Variants in OSBPL9 observed in about 807,000 individuals in gnomAD.
OSBPL9 encodes oxysterol binding protein like 9.
A neutral mutation model predicts 106.6 loss-of-function variants in OSBPL9; 40 were observed. That is an observed-to-expected ratio of 0.38 (90% CI 0.29 to 0.49). OSBPL9 has a LOEUF of 0.49. Among genes scored for constraint, OSBPL9 ranks in the 20% least tolerant of loss-of-function variants. The probability of loss-of-function intolerance (pLI) is 0.97; values close to 1 mark genes in which losing one functional copy is unlikely to be tolerated. For missense variants in OSBPL9, 609 were observed against 887.2 expected, an observed-to-expected ratio of 0.69 and a Z score of 3.98; for synonymous variants, 269 against 295.4, an observed-to-expected ratio of 0.91 and a Z score of 0.92.
intron 4 of OSBPL9, among the ~76,000 whole-genome samples, chr1:51,728,291 C>G (rs1326110011): frequency 6.6e-6 from 1 of 152,124 alleles, no homozygotes; most frequent in Non-Finnish European, 1.5e-5. Context: ...TGCTCTGGCT[C>G]TAGTGTTGAG....
intron 1 of OSBPL9, among the ~76,000 whole-genome samples, chr1:51,634,640 T>TA (rs1645309282): frequency 6.6e-6 from 1 of 152,134 alleles, no homozygotes; most frequent in Non-Finnish European, 1.5e-5. Context: ...AATAGAGGGT[T>TA]AAGGGTATCC....
At chr1:51,656,741 C>T (rs1646842798) in intron 2 of OSBPL9, among the ~76,000 whole-genome samples, 1 of 151,900 alleles carries the variant, frequency 6.6e-6, no homozygotes, top group South Asian at 2.1e-4. Context: ...CTCACTACAT[C>T]CCCAAATTCC....
intron 11 of OSBPL9, among the ~76,000 whole-genome samples, chr1:51,763,650 A>G (rs1671993434): frequency 6.6e-6 from 1 of 152,194 alleles, no homozygotes; most frequent in African/African-American, 2.4e-5. Context: ...GATCTTTACT[A>G]TTTAACAGCA....
intron 4 of OSBPL9, among the ~76,000 whole-genome samples, chr1:51,722,410 C>CAG (rs1662328813): frequency 6.6e-6 from 1 of 152,170 alleles, no homozygotes; most frequent in African/African-American, 2.4e-5. Flanking sequence ...TACTGAAAGG[C>CAG]TCATATAGCA....
intron 4 of OSBPL9, among the ~76,000 whole-genome samples, chr1:51,733,161 A>T (rs1664843356): frequency 1.3e-5 from 2 of 152,208 alleles, no homozygotes; most frequent in Middle Eastern, 3.4e-3. Context: ...GCCTTCACTA[A>T]GTTGTATTGT....
chr1:51,703,908 C>T (rs866108465), intron 3 of OSBPL9, among the ~76,000 whole-genome samples: 8 of 152,240 alleles, frequency 5.3e-5, no homozygotes, highest in Middle Eastern at 6.8e-3. Flanking sequence ...TGGTTTTTGT[C>T]GTTGGTTCTG....
intron 12 of OSBPL9, among the ~76,000 whole-genome samples, chr1:51,768,980 T>A (rs970927696): frequency 1.3e-5 from 2 of 152,242 alleles, no homozygotes; most frequent in Non-Finnish European, 2.9e-5. Context: ...CCCAAACCAG[T>A]AAGGACTGCA....
intron 1 of OSBPL9, 107 bp from the exon 2 acceptor site, chr1:51,651,884 G>A (rs1236987219): frequency 2.9e-5 from 23 of 781,436 alleles, no homozygotes; most frequent in Non-Finnish European, 1.3e-5. Context: ...ATTGGCAGAA[G>A]GGATGGGTAT....
upstream of OSBPL9, chr1:51,614,452 C>G (rs1270578369): frequency 6.6e-6 from 1 of 151,816 alleles, no homozygotes; most frequent in Non-Finnish European, 1.5e-5. Context: ...CCATAACCAA[C>G]AAATTTTTTT....
chr1:51,702,217 T>G (rs574360609), intron 3 of OSBPL9, among the ~76,000 whole-genome samples: 1 of 152,174 alleles, frequency 6.6e-6, no homozygotes, highest in Non-Finnish European at 1.5e-5. Flanking sequence ...CCTGAGGAAT[T>G]GCCACACTGA....
At chr1:51,762,347 A>G (rs1225573720) in intron 11 of OSBPL9, among the ~76,000 whole-genome samples, 3 of 152,012 alleles carry the variant, frequency 2.0e-5, no homozygotes, top group Non-Finnish European at 4.4e-5. Context: ...TAATTTTTGT[A>G]GAGAGGAGTC....
At chr1:51,551,036 C>G in the OSBPL9 span, among the ~76,000 whole-genome samples, 1 of 152,256 alleles carries the variant, frequency 6.6e-6, no homozygotes, top group Admixed American at 6.5e-5. Flanking sequence ...TGATCACTCC[C>G]TTTCTACTAA....
At chr1:51,578,052 C>A (rs767118373) in intron 1 of OSBPL9, among the ~76,000 whole-genome samples, 3 of 152,154 alleles carry the variant, frequency 2.0e-5, no homozygotes, top group Non-Finnish European at 4.4e-5. Flanking sequence ...TCTTCCCTAC[C>A]AGACTAGTAA....
At chr1:51,775,006 G>A (rs1674735373) in intron 14 of OSBPL9, among the ~76,000 whole-genome samples, 2 of 151,986 alleles carry the variant, frequency 1.3e-5, no homozygotes, top group Non-Finnish European at 2.9e-5. Flanking sequence ...TACATTAAAG[G>A]TATTTATCCA....
intron 1 of OSBPL9, among the ~76,000 whole-genome samples, chr1:51,641,319 C>G (rs1170018480): frequency 1.3e-5 from 2 of 152,064 alleles, no homozygotes; most frequent in South Asian, 4.1e-4. Context: ...AGGGCTCTGC[C>G]CTTGTGACCT....
chr1:51,678,420 G>T (rs1651791737), intron 3 of OSBPL9, among the ~76,000 whole-genome samples: 1 of 152,116 alleles, frequency 6.6e-6, no homozygotes, highest in Non-Finnish European at 1.5e-5. Flanking sequence ...CAGCACTTTG[G>T]GAGGCCAAGG....
At position 51,601,966 on chromosome 1, in the gene OSBPL9, C is replaced by T. The variant is rs138356317; in HGVS notation, c.-353+3773C>T. On this transcript the variant is annotated intron_variant, in intron 2 of 25. Coordinates refer to the OSBPL9 transcript ENST00000371714. ...AACAGCAGAGGTGGAAATGGAATCCCGTCTGCCTGGCTGTCTCCCTCAGGC... is the reference window on the plus strand; with the variant it reads ...AACAGCAGAGGTGGAAATGGAATCCTGTCTGCCTGGCTGTCTCCCTCAGGC... Among the ~76,000 whole-genome samples the T allele has an allele frequency of 2.3e-4, 35 of 149,886 alleles. No homozygotes were observed. In the East Asian group the frequency reaches 5.7e-3, roughly 24 times the overall value.
At chr1:51,774,885 T>A (rs976298836) in intron 14 of OSBPL9, among the ~76,000 whole-genome samples, 20 of 152,354 alleles carry the variant, frequency 1.3e-4, no homozygotes, top group Admixed American at 8.5e-4. Flanking sequence ...TTATTTTTTT[T>A]AAATTACGTG....
At chr1:51,528,130 A>G in the OSBPL9 span, among the ~76,000 whole-genome samples, 1 of 152,088 alleles carries the variant, frequency 6.6e-6, no homozygotes, top group Non-Finnish European at 1.5e-5. Context: ...TGTCCCAAAA[A>G]AAACCAAGAA....
Sources: allele counts gnomAD v4.1 joint callset (sites outside exome capture counted in the v4.1 genomes callset), GRCh38; gene constraint gnomAD v4.1.1; transcripts MANE v1.5; gene names NCBI Gene and HGNC (gene_info 2026-07-23, HGNC 2026-07-21).